Variants in GSG1L2 observed in about 807,000 individuals in gnomAD.
GSG1L2 encodes the protein germ cell-specific gene 1-like protein 2.
In GSG1L2, 15 loss-of-function variants were observed where a neutral mutation model predicts 9.0. That is an observed-to-expected ratio of 1.67 (90% CI 1.12 to 2.57). The LOEUF is 2.57. Ranked by LOEUF, GSG1L2 falls within the 30% of genes most tolerant of loss-of-function variation. GSG1L2 has a pLI of 0.00. For missense variants in GSG1L2, 286 were observed against 150.3 expected (o/e 1.90, Z -4.72); for synonymous variants, 127 against 57.9 (o/e 2.19, Z -5.41).
intron 1 of GSG1L2, 44 bp from the exon 2 acceptor site, chr17:9,810,662 C>T (rs2066535642): frequency 2.8e-6 from 2 of 702,586 alleles, no homozygotes; most frequent in South Asian, 1.5e-5. Flanking sequence ...TTACACTTCA[C>T]AACCAGGGGG....
chr17:9,802,667 G>T, intron 4 of GSG1L2, 23 bp from the exon 5 acceptor site: 1 of 701,864 alleles, frequency 1.4e-6, no homozygotes, highest in East Asian at 2.7e-5. Context: ...GGCACCGTTA[G>T]GAAAGGGCTG....
At chr17:9,809,412 C>G (rs141704423) in intron 2 of GSG1L2, 2 of 194,598 alleles carry the variant, frequency 1.0e-5, no homozygotes, top group African/African-American at 2.3e-5. Context: ...AAAGAGTGAG[C>G]GGTAGCAAGG....
At chr17:9,803,272 T>C (rs1156800539) in intron 4 of GSG1L2, among the ~76,000 whole-genome samples, 1 of 152,064 alleles carries the variant, frequency 6.6e-6, no homozygotes, top group African/African-American at 2.4e-5. Context: ...CCGGCTAATT[T>C]TTGTATTTTT....
At position 9,821,875 on chromosome 17, in the gene GSG1L2, T is replaced by C. The variant is rs1312942182; in HGVS notation, c.197A>G (p.Asp66Gly). The change falls in exon 1 of 5, where the codon GAC (aspartate) becomes GGC (glycine). Residue 66 changes from aspartate (D) to glycine (G), a missense_variant. By Grantham distance (94) the Asp-to-Gly change is moderately conservative (BLOSUM62 -1). Transcript: ENST00000399363. The part of the protein sequence containing the change: ...KRDNSSNGRM[D>G]NNSQAVLYIW... ...GTACAGGACAGCCTGGCTATTGTTG[T>C]CCATCCTGCCATTGCTGCTGTTGTC... The C allele has an allele frequency of 1.4e-6, 1 of 703,312 alleles. No individual in the cohort carries two copies. The highest frequency in any genetic ancestry group is 2.0e-5 in the Admixed American group (1 of 50,026). 43.6% of individuals were successfully genotyped at this position (703,312 alleles called of 1,614,324 possible).
At position 9,822,006 on chromosome 17, in the gene GSG1L2, G is replaced by C; in HGVS notation, c.66C>G (p.Ser22=). The change falls in exon 1 of 5, where the codon TCC becomes TCG. Residue 22 remains serine (S), a synonymous_variant. Transcript: ENST00000399363. Reference sequence around the variant, plus strand: ...AGTGGCTGCTGACCACGGCGGTGAGGGAGAAGGTGAGGGCGAGGCAGACAG... The same window carrying C: ...AGTGGCTGCTGACCACGGCGGTGAGCGAGAAGGTGAGGGCGAGGCAGACAG... ...LLPVCLALTF[S]LTAVVSSHWC... 1 of 703,092 alleles carries C rather than the reference G, an allele frequency of 1.4e-6. No individual in the cohort carries two copies. Among genetic ancestry groups the C allele is most frequent in the Non-Finnish European group, 2.6e-6 (1 of 385,024 alleles). The allele number at this position is 703,092 out of a possible 1,614,324, so 43.6% of individuals were successfully genotyped here. A position where few individuals can be genotyped will look rare whatever the true frequency, so the allele number is the denominator to read the frequency against.
At chr17:9,821,109 G>A (rs2066730927) in intron 1 of GSG1L2, among the ~76,000 whole-genome samples, 1 of 152,218 alleles carries the variant, frequency 6.6e-6, no homozygotes, top group South Asian at 2.1e-4. Context: ...CTGAGGTCAG[G>A]AAAGAAATGG....
intron 4 of GSG1L2, chr17:9,804,055 C>T (rs959932585): frequency 6.6e-6 from 1 of 152,210 alleles, no homozygotes; most frequent in Non-Finnish European, 1.5e-5. Flanking sequence ...CACACCCCCA[C>T]TGAAACGAGA....
At position 9,800,940 on chromosome 17, in the gene GSG1L2, A is replaced by G. The variant is rs1447354524; in HGVS notation, c.*1446T>C. ...AGAATCCATTGTCTATCTCTCATAT[A>G]TGCTTAGCGCAATGAAACACAAAAT... is the stretch of plus-strand genomic sequence containing the variant. On this transcript the variant is annotated 3_prime_UTR_variant, in exon 5 of 5. Transcript: ENST00000399363. Among the ~76,000 whole-genome samples, 1 of 152,366 alleles carries G rather than the reference A, an allele frequency of 6.6e-6. No homozygotes were observed. The highest frequency in any genetic ancestry group is 2.4e-5 in the African/African-American group (1 of 41,582).
At chr17:9,811,995 CACTT>C (rs1319280760) in intron 1 of GSG1L2, among the ~76,000 whole-genome samples, 1 of 152,056 alleles carries the variant, frequency 6.6e-6, no homozygotes, top group African/African-American at 2.4e-5. Flanking sequence ...TATCACTTAT[CACTT>C]ATCACTTATC....
In GSG1L2 at chr17:9,802,365, T is replaced by C. The variant is rs1256950932; in HGVS notation, c.*21A>G. ...TGCCTGGCTTGTTTGCCTGTGCGGA[T>C]GTGGCAGCCATGGACACTGGCTAGC... On this transcript the variant is annotated 3_prime_UTR_variant, in exon 5 of 5. Coordinates refer to ENST00000399363, the MANE Select transcript of GSG1L2 (RefSeq NM_001310219.2). 4.3e-5 allele frequency: 27 copies of C among 630,092 alleles called. No individual in the cohort carries two copies. In the East Asian group the frequency reaches 7.4e-4, roughly 17 times the overall value. The allele number at this position is 630,092 out of a possible 1,614,324, so 39.0% of individuals were successfully genotyped here.
chr17:9,809,196 C>G, intron 2 of GSG1L2: 12 of 396,814 alleles, frequency 3.0e-5, no homozygotes, highest in East Asian at 5.2e-5. Flanking sequence ...CGTAGCTGAA[C>G]GGGCGGTGGG....
intron 1 of GSG1L2, among the ~76,000 whole-genome samples, chr17:9,817,479 C>T (rs1227846380): frequency 2.7e-5 from 4 of 149,122 alleles, no homozygotes; most frequent in Non-Finnish European, 4.4e-5. Flanking sequence ...GGCTGGAGTA[C>T]AGTGGTGCGA....
At chr17:9,813,475 C>T (rs552733154) in intron 1 of GSG1L2, among the ~76,000 whole-genome samples, 10 of 152,322 alleles carry the variant, frequency 6.6e-5, no homozygotes, top group African/African-American at 1.4e-4. Flanking sequence ...GCAGCCACAG[C>T]GGCCTCTGCA....
At chr17:9,808,172 A>G (rs770938392) in intron 3 of GSG1L2, among the ~76,000 whole-genome samples, 7 of 152,202 alleles carry the variant, frequency 4.6e-5, no homozygotes, top group Non-Finnish European at 8.8e-5. Context: ...AACATGAGTA[A>G]CTTTTCATAT....
chr17:9,814,084 G>A (rs572900612), intron 1 of GSG1L2, among the ~76,000 whole-genome samples: 294 of 152,172 alleles, frequency 1.9e-3, no homozygotes, highest in Non-Finnish European at 2.9e-3. Flanking sequence ...ACAGGCACCC[G>A]CCACTATGCC....
rs796873792 is a variant in GSG1L2, at chr17:9,816,860, A to ATGTGTGTATCTG, written c.310+4901_310+4902insCAGATACACACA. Among the ~76,000 whole-genome samples the ATGTGTGTATCTG allele has an allele frequency of 9.6e-3, 1,255 of 130,684 alleles. 39 individuals are homozygous for ATGTGTGTATCTG. Among genetic ancestry groups the ATGTGTGTATCTG allele is most frequent in the African/African-American group, 0.035 (1,182 of 33,472 alleles). The allele number at this position is 130,684 out of a possible 152,430, so 85.7% of individuals were successfully genotyped here. On this transcript the variant is annotated intron_variant, in intron 1 of 4. Coordinates refer to ENST00000399363, the MANE Select transcript of GSG1L2 (RefSeq NM_001310219.2). ...TCTGTGTGTGTTTCTGTGTATCTGT[A>ATGTGTGTATCTG]TGTGTGTGTCTGTGTGTGTATCTGT...
At chr17:9,810,716 A>C in intron 1 of GSG1L2, 98 bp from the exon 2 acceptor site, 2 of 691,508 alleles carry the variant, frequency 2.9e-6, no homozygotes, top group Non-Finnish European at 5.3e-6. Flanking sequence ...AGGAATGGGG[A>C]GTGTGCAGAC....
At chr17:9,816,084 T>G (rs1002225527) in intron 1 of GSG1L2, among the ~76,000 whole-genome samples, 1 of 152,202 alleles carries the variant, frequency 6.6e-6, no homozygotes, top group African/African-American at 2.4e-5. Context: ...AAGAAGCCTC[T>G]CACCAGATGT....
chr17:9,812,888 C>A (rs2152023746), intron 1 of GSG1L2, among the ~76,000 whole-genome samples: 1 of 152,308 alleles, frequency 6.6e-6, no homozygotes, highest in South Asian at 2.1e-4. Flanking sequence ...CAGGCATGGG[C>A]CACCATACCT....
Sources: allele counts gnomAD v4.1 joint callset (sites outside exome capture counted in the v4.1 genomes callset), GRCh38; gene constraint gnomAD v4.1.1; transcripts MANE v1.5; gene names NCBI Gene and HGNC (gene_info 2026-07-23, HGNC 2026-07-21).